The following INTS7 variants were observed in gnomAD, a reference collection of about 807,000 sequenced individuals.
INTS7 encodes integrator complex subunit 7.
A neutral mutation model predicts 109.2 loss-of-function variants in INTS7; 46 were observed. The ratio of observed to expected loss-of-function variants is 0.42; its 90% CI spans 0.33 to 0.54. INTS7 has a LOEUF of 0.54. Among genes scored for constraint, INTS7 ranks in the 20% least tolerant of loss-of-function variants. The probability of loss-of-function intolerance (pLI) is 0.07; values close to 1 mark genes in which losing one functional copy is unlikely to be tolerated. For missense variants in INTS7, 929 were observed against 1,132.4 expected, an observed-to-expected ratio of 0.82 and a Z score of 2.58; for synonymous variants, 412 against 402.9, an observed-to-expected ratio of 1.02 and a Z score of -0.27.
At chr1:212,021,427 T>C (rs373395864) in intron 1 of INTS7, among the ~76,000 whole-genome samples, 3 of 151,838 alleles carry the variant, frequency 2.0e-5, no homozygotes, top group Non-Finnish European at 4.4e-5. Context: ...TGAAAAAAAA[T>C]TTTTTAAAGG....
At chr1:211,958,199 T>A (rs1663454117) in intron 16 of INTS7, among the ~76,000 whole-genome samples, 1 of 152,194 alleles carries the variant, frequency 6.6e-6, no homozygotes, top group Non-Finnish European at 1.5e-5. Flanking sequence ...AGTACAGATC[T>A]GCTGATGGCA....
At position 212,035,516 on chromosome 1, in the gene INTS7, T is replaced by G. The variant is rs570139348; in HGVS notation, c.-79A>C. ...AGGACCGCCATCTTCCCCCGCCGCC[T>G]TCTTGCTGGTTTTTCTTCCGCGCGC... is the stretch of plus-strand genomic sequence containing the variant. On this transcript the variant is annotated 5_prime_UTR_variant, in exon 1 of 20. Transcript: ENST00000366994. The G allele has an allele frequency of 5.4e-6, 6 of 1,109,674 alleles. No homozygotes were observed. Among genetic ancestry groups the G allele is most frequent in the Non-Finnish European group, 8.3e-6 (6 of 726,508 alleles). 68.7% of individuals were successfully genotyped at this position (1,109,674 alleles called of 1,614,324 possible). A position where few individuals can be genotyped will look rare whatever the true frequency, so the allele number is the denominator to read the frequency against.
chr1:212,014,702 C>A (rs1374835966), intron 4 of INTS7, among the ~76,000 whole-genome samples: 1 of 142,388 alleles, frequency 7.0e-6, no homozygotes, highest in African/African-American at 2.4e-5. Context: ...CGCCGCCACG[C>A]CTGACTGGTT....
At chr1:211,974,276 A>ATATATATATAT (rs1553249482) in intron 13 of INTS7, among the ~76,000 whole-genome samples, 13 of 92,390 alleles carry the variant, frequency 1.4e-4, no homozygotes, top group East Asian at 8.5e-4. Context: ...AGAAAAAAAA[A>ATATATATATAT]ATATATATAT....
At chr1:212,024,400 G>A (rs562794403) in intron 1 of INTS7, among the ~76,000 whole-genome samples, 17 of 152,088 alleles carry the variant, frequency 1.1e-4, no homozygotes, top group African/African-American at 3.1e-4. Flanking sequence ...TGTAGTTCTC[G>A]TTGTAGAGAT....
chr1:211,976,786 C>A lies in INTS7; in HGVS notation c.1471-67G>T, dbSNP rs574194499. 836 of 1,499,180 alleles carry A rather than the reference C, an allele frequency of 5.6e-4. 8 individuals are homozygous for A. In the South Asian group the frequency reaches 9.5e-3, roughly 17 times the overall value. 92.9% of individuals were successfully genotyped at this position (1,499,180 alleles called of 1,614,324 possible). ...TTATTCAGTGTCATTGATAACCTAC[C>A]CCAAAGGGAGGAAAACTAATTAGAG... On this transcript the variant is annotated intron_variant, in intron 11 of 19. Coordinates refer to ENST00000366994, the MANE Select transcript of INTS7 (RefSeq NM_015434.4).
chr1:212,004,764 A>G (rs1272546063), intron 7 of INTS7, among the ~76,000 whole-genome samples: 1 of 152,238 alleles, frequency 6.6e-6, no homozygotes, highest in African/African-American at 2.4e-5. Flanking sequence ...CTGAATAGCC[A>G]TGTCATAAGA....
At chr1:212,021,559 C>A (rs571726402) in intron 1 of INTS7, among the ~76,000 whole-genome samples, 4 of 151,322 alleles carry the variant, frequency 2.6e-5, no homozygotes, top group East Asian at 1.9e-4. Flanking sequence ...AAAAAAAGCA[C>A]GTTTAACCCA....
At chr1:211,965,779 T>G (rs1038757484) in intron 16 of INTS7, among the ~76,000 whole-genome samples, 5 of 152,096 alleles carry the variant, frequency 3.3e-5, no homozygotes, top group African/African-American at 1.2e-4. Context: ...CACCACACAC[T>G]GGGGCCTACC....
At chr1:212,034,867 T>C (rs2102514711) in intron 1 of INTS7, among the ~76,000 whole-genome samples, 1 of 152,324 alleles carries the variant, frequency 6.6e-6, no homozygotes, top group South Asian at 2.1e-4. Flanking sequence ...GGCCCTTGCT[T>C]TTTTATGGTC....
chr1:212,028,976 A>G (rs1232856606), intron 1 of INTS7, among the ~76,000 whole-genome samples: 2 of 152,246 alleles, frequency 1.3e-5, no homozygotes, highest in Non-Finnish European at 2.9e-5. Flanking sequence ...ATGCATCTCT[A>G]GCAAGCAACT....
intron 16 of INTS7, among the ~76,000 whole-genome samples, chr1:211,953,805 G>A (rs1663231232): frequency 6.6e-6 from 1 of 151,392 alleles, no homozygotes; most frequent in Non-Finnish European, 1.5e-5. Flanking sequence ...TATCGTTGTT[G>A]GACATTTGGG....
At chr1:212,012,462 T>C (rs565727972) in intron 4 of INTS7, among the ~76,000 whole-genome samples, 13 of 152,220 alleles carry the variant, frequency 8.5e-5, no homozygotes, top group African/African-American at 7.2e-5. Flanking sequence ...ATCAAAAATA[T>C]AAGTCTTGTC....
chr1:211,955,843 C>T (rs1401352307), intron 16 of INTS7, among the ~76,000 whole-genome samples: 2 of 152,216 alleles, frequency 1.3e-5, no homozygotes, highest in African/African-American at 2.4e-5. Flanking sequence ...TTCATGTTCA[C>T]ATTTGCTGGG....
At chr1:211,996,968 G>A (rs558729168) in intron 7 of INTS7, among the ~76,000 whole-genome samples, 35 of 152,274 alleles carry the variant, frequency 2.3e-4, no homozygotes, top group African/African-American at 8.2e-4. Flanking sequence ...AGACTGCAAA[G>A]AGCCGTGATC....
chr1:211,954,632 A>C (rs2102392043), intron 16 of INTS7, among the ~76,000 whole-genome samples: 1 of 152,334 alleles, frequency 6.6e-6, no homozygotes, highest in South Asian at 2.1e-4. Flanking sequence ...CAGTTTTCCC[A>C]GCACCATTTA....
chr1:211,957,841 T>G (rs145844121), intron 16 of INTS7, among the ~76,000 whole-genome samples: 7 of 152,234 alleles, frequency 4.6e-5, no homozygotes, highest in Middle Eastern at 6.8e-3. Context: ...TATATTTTAG[T>G]ATTCCACTTT....
At chr1:211,998,379 T>C (rs1372695266) in intron 7 of INTS7, among the ~76,000 whole-genome samples, 7 of 152,170 alleles carry the variant, frequency 4.6e-5, no homozygotes, top group African/African-American at 7.2e-5. Flanking sequence ...CACAGACCAA[T>C]AGAACAGAAT....
chr1:212,019,787 A>T (rs1206193467), intron 3 of INTS7, among the ~76,000 whole-genome samples: 1 of 152,208 alleles, frequency 6.6e-6, no homozygotes, highest in East Asian at 1.9e-4. Context: ...CTGACAGAAA[A>T]CATTAAGTAC....
Sources: allele counts gnomAD v4.1 joint callset (sites outside exome capture counted in the v4.1 genomes callset), GRCh38; gene constraint gnomAD v4.1.1; transcripts MANE v1.5; gene names NCBI Gene and HGNC (gene_info 2026-07-23, HGNC 2026-07-21).